Variants in ANKFN1 observed in about 807,000 individuals in gnomAD.
The protein encoded by ANKFN1 is ankyrin repeat and fibronectin type-III domain-containing protein 1.
ANKFN1 carries 74 observed loss-of-function variants against 108.7 expected under a neutral mutation model. The observed-to-expected ratio is 0.68, with a 90% CI of 0.56 to 0.83. ANKFN1 has a LOEUF of 0.83. Ranked by LOEUF, ANKFN1 falls within the 40% of genes least tolerant of loss-of-function variation. The pLI is 0.00. For synonymous variants in ANKFN1, 547 were observed against 516.2 expected (o/e 1.06, Z -0.81); for missense variants, 1,505 against 1,382.3 (o/e 1.09, Z -1.41).
intron 1 of ANKFN1, among the ~76,000 whole-genome samples, chr17:56,192,337 G>A (rs375213757): frequency 4.5e-5 from 5 of 111,278 alleles, no homozygotes; most frequent in African/African-American, 1.1e-4. Context: ...GGACATAGGC[G>A]TGGGCAAGGA....
At chr17:56,407,957 C>G (rs2047972237) in intron 8 of ANKFN1, among the ~76,000 whole-genome samples, 1 of 74,292 alleles carries the variant, frequency 1.3e-5, no homozygotes, top group East Asian at 5.0e-4. Context: ...TTTTTTTTGA[C>G]AGAGTCTTGC....
chr17:56,510,367 G>A, intron 20 of ANKFN1, 106 bp from the exon 21 acceptor site: 1 of 969,166 alleles, frequency 1.0e-6, no homozygotes, highest in Non-Finnish European at 1.5e-6. Context: ...ATTAAACGAA[G>A]CACAGGCCCC....
Position 56,510,820 on chromosome 17 carries a change from G to C in ANKFN1, c.2992G>C (p.Gly998Arg), listed in dbSNP as rs1315988725. The change falls in exon 21 of 21, where the codon GGA becomes CGA. Residue 998 changes from glycine (G) to arginine (R), a missense_variant. Transcript: ENST00000682825. ...TGGGCGGCCCCCGCTAGGCTTCCTG[G>C]GAAAGCGGAAGCCAGGCAAGCACCC... is the stretch of plus-strand genomic sequence containing the variant. ...SGGRPPLGFLGKRKPGKHPHY... is the reference protein window; with the variant it reads ...SGGRPPLGFLRKRKPGKHPHY... 6.5e-7 allele frequency: 1 copy of C among 1,536,170 alleles called. No individual in the cohort carries two copies. The highest frequency in any genetic ancestry group is 8.7e-7 in the Non-Finnish European group (1 of 1,146,910).
At chr17:56,322,791 C>A (rs1408391785) in intron 3 of ANKFN1, among the ~76,000 whole-genome samples, 1 of 152,194 alleles carries the variant, frequency 6.6e-6, no homozygotes, top group Non-Finnish European at 1.5e-5. Context: ...TAGCACATTG[C>A]TCATACTTTT....
Position 56,442,919 on chromosome 17 carries a change from G to T in ANKFN1, c.1085G>T (p.Cys362Phe). The change falls in exon 10 of 21, where the codon TGT becomes TTT. Residue 362 changes from cysteine to phenylalanine, a missense_variant. Coordinates refer to ENST00000682825, the MANE Select transcript of ANKFN1 (RefSeq NM_001370326.1). ...WGPAQTTTPA[C>F]ASPSNWKDYD... ...CCTGCTCAGACCACGACACCGGCAT[G>T]TGCCTCTCCTTCTAGTAGGTGGTGG... 1 of 1,613,724 alleles carries T rather than the reference G, an allele frequency of 6.2e-7. No homozygotes were observed. Among genetic ancestry groups the T allele is most frequent in the South Asian group, 1.1e-5 (1 of 91,052 alleles).
chr17:56,161,909 T>G (rs1339524338), intron 1 of ANKFN1, among the ~76,000 whole-genome samples: 1 of 152,252 alleles, frequency 6.6e-6, no homozygotes, highest in Non-Finnish European at 1.5e-5. Flanking sequence ...ACAACCATGC[T>G]TGCCAAAATG....
chr17:56,188,581 G>GTGTGTGTGTGTA (rs1212242378), intron 1 of ANKFN1, among the ~76,000 whole-genome samples: 5 of 49,652 alleles, frequency 1.0e-4, no homozygotes, highest in African/African-American at 4.0e-4. Flanking sequence ...GTGTGTGTGT[G>GTGTGTGTGTGTA]TATATATATA....
intron 1 of ANKFN1, among the ~76,000 whole-genome samples, chr17:56,163,956 T>C (rs1288510338): frequency 1.3e-5 from 2 of 152,194 alleles, no homozygotes; most frequent in Non-Finnish European, 2.9e-5. Context: ...GTGTGTGTAT[T>C]TTGGTGTTTG....
At chr17:56,088,905 A>G (rs1905365153) in intron 4 of ANKFN1, among the ~76,000 whole-genome samples, 1 of 151,360 alleles carries the variant, frequency 6.6e-6, no homozygotes, top group African/African-American at 2.4e-5. Context: ...GCACATGTAT[A>G]ATGGTAGTAG....
At chr17:56,152,254 A>ATG (rs767291179), upstream of ANKFN1, among the ~76,000 whole-genome samples, 425 of 78,374 alleles carry the variant, frequency 5.4e-3, no homozygotes, top group African/African-American at 0.016. Context: ...AAATATATAT[A>ATG]TATATATATG....
At position 56,432,747 on chromosome 17, in the gene ANKFN1, T is replaced by C. The variant is rs150528147; in HGVS notation, c.911-7580T>C. On this transcript the variant is annotated intron_variant, in intron 8 of 20. Transcript: ENST00000682825. The stretch of plus-strand genomic sequence containing the variant: ...GGTGGTGACTGCTTGGTAACTGACC[T>C]TCTGCCCCAGATTCCCTCACTGTGC... 6.4e-4 allele frequency among the ~76,000 whole-genome samples: 97 copies of C among 152,326 alleles called. 1 individual carries two copies. In the Middle Eastern group the frequency reaches 0.02, roughly 32 times the overall value.
At chr17:56,307,259 G>A (rs978105480) in intron 3 of ANKFN1, among the ~76,000 whole-genome samples, 1 of 152,162 alleles carries the variant, frequency 6.6e-6, no homozygotes, top group South Asian at 2.1e-4. Context: ...CTTCTGCACA[G>A]CAAAAGAAAC....
At chr17:56,464,319 T>C (rs2050006119) in intron 14 of ANKFN1, among the ~76,000 whole-genome samples, 1 of 152,184 alleles carries the variant, frequency 6.6e-6, no homozygotes, top group Non-Finnish European at 1.5e-5. Flanking sequence ...ACCCATCAGC[T>C]TTGGTCCAAA....
chr17:56,197,592 C>T (rs777640059), intron 1 of ANKFN1, among the ~76,000 whole-genome samples: 4 of 152,242 alleles, frequency 2.6e-5, no homozygotes, highest in Admixed American at 6.5e-5. Context: ...AGGCTCCTGG[C>T]GTCTCTGGAT....
At chr17:56,186,084 CTTTTG>C (rs1912174152) in intron 1 of ANKFN1, among the ~76,000 whole-genome samples, 1 of 152,216 alleles carries the variant, frequency 6.6e-6, no homozygotes, top group Middle Eastern at 3.4e-3. Flanking sequence ...CCGCTTTCTA[CTTTTG>C]TTTTGTTTTA....
intron 8 of ANKFN1, among the ~76,000 whole-genome samples, chr17:56,403,531 C>G (rs2144947470): frequency 6.6e-6 from 1 of 152,190 alleles, no homozygotes; most frequent in African/African-American, 2.4e-5. Context: ...CACCCTTTTA[C>G]TGTAAGTTTA....
chr17:56,448,529 G>A (rs576054816), intron 10 of ANKFN1, among the ~76,000 whole-genome samples: 1 of 152,328 alleles, frequency 6.6e-6, no homozygotes, highest in East Asian at 1.9e-4. Flanking sequence ...CACCAAAGCA[G>A]ACATTCATTA....
intron 8 of ANKFN1, among the ~76,000 whole-genome samples, chr17:56,375,473 A>G (rs2046920994): frequency 6.6e-6 from 1 of 152,178 alleles, no homozygotes; most frequent in Non-Finnish European, 1.5e-5. Context: ...ACAGAAAAGG[A>G]CAGAATGAGG....
At chr17:56,078,126 C>T (rs1019509330) in intron 4 of ANKFN1, among the ~76,000 whole-genome samples, 2 of 152,174 alleles carry the variant, frequency 1.3e-5, no homozygotes, top group African/African-American at 4.8e-5. Context: ...TGGTAGGCAG[C>T]AGCTCAAATC....
Sources: gnomAD v4.1 joint callset for allele counts (sites outside exome capture counted in the v4.1 genomes callset) on GRCh38, gnomAD v4.1.1 for gene constraint, MANE v1.5 for transcripts, NCBI Gene and HGNC (gene_info 2026-07-23, HGNC 2026-07-21) for gene names.